PDCD6IP: variants seen among roughly 807,000 people sequenced by gnomAD.
PDCD6IP encodes programmed cell death 6-interacting protein.
In PDCD6IP, 43 loss-of-function variants were observed where a neutral mutation model predicts 103.7. That is an observed-to-expected ratio of 0.41 (90% confidence interval 0.32 to 0.53). PDCD6IP has a LOEUF of 0.53. Among genes scored for constraint, PDCD6IP ranks in the 20% least tolerant of loss-of-function variants. The pLI is 0.16. For missense variants in PDCD6IP, 871 were observed against 1,036.7 expected (o/e 0.84, Z 2.20); for synonymous variants, 354 against 378.7 (o/e 0.93, Z 0.76).
Position 33,845,482 on chromosome 3 carries a change from G to T in PDCD6IP, c.1535G>T (p.Cys512Phe), listed in dbSNP as rs371176638. ...AVQADGQVKE[C>F]YQSHRDTIVL... The stretch of plus-strand genomic sequence containing the variant: ...CAGGCAGATGGACAAGTGAAAGAAT[G>T]TTACCAGTCTCATCGTGACACCATC... The change falls in exon 12 of 18, where the codon TGT (cysteine) becomes TTT (phenylalanine). Residue 512 changes from cysteine to phenylalanine, a missense_variant. Coordinates refer to ENST00000307296, the MANE Select transcript of PDCD6IP (RefSeq NM_013374.6). 62 of 1,613,756 alleles carry T rather than the reference G, an allele frequency of 3.8e-5. No individual in the cohort carries two copies. The highest frequency in any genetic ancestry group is 5.3e-5 in the Non-Finnish European group (62 of 1,179,784).
Position 33,825,215 on chromosome 3 carries a change from A to G in PDCD6IP, c.491A>G (p.Lys164Arg). 1 of 1,612,214 alleles carries G rather than the reference A, an allele frequency of 6.2e-7. No homozygotes were observed. The highest frequency in any genetic ancestry group is 8.5e-7 in the Non-Finnish European group (1 of 1,179,642). Residue 164 changes from lysine (K) to arginine (R), a missense_variant, in exon 5 of 18, where the codon AAA becomes AGA. Around this residue, in one of 5 missense-constraint regions of PDCD6IP, gnomAD observed 242 missense variants for 250.7 expected, o/e 0.97. Transcript: ENST00000307296. The part of the protein sequence containing the change: ...QFASGAFLHI[K>R]ETVLSALSRE... ...GCTAGTGGTGCCTTTTTACATATTA[A>G]AGAGACGGTTTTATCTGCCTTAAGT... is the stretch of plus-strand genomic sequence containing the variant.
chr3:33,799,218 GA>G, intron 1 of PDCD6IP: 1 of 397,096 alleles, frequency 2.5e-6, no homozygotes, highest in Admixed American at 4.2e-5. Context: ...GCCCTGTACT[GA>G]TCTCTTTTGC....
chr3:33,849,575 G>A (rs186667869), intron 12 of PDCD6IP, among the ~76,000 whole-genome samples: 1 of 152,090 alleles, frequency 6.6e-6, no homozygotes, highest in Non-Finnish European at 1.5e-5. Context: ...CTTAATAAAG[G>A]GATACATTTA....
In PDCD6IP at chr3:33,816,002, A is replaced by G. The variant is rs115077404; in HGVS notation, c.334+2374A>G. Reference sequence around the variant, plus strand: ...GGAATGAGGTTGAGAAAAAGCTTTCATATCTTACAGGAACCAGGGTAAAAT... The same window carrying G: ...GGAATGAGGTTGAGAAAAAGCTTTCGTATCTTACAGGAACCAGGGTAAAAT... On this transcript the variant is annotated intron_variant, in intron 3 of 17. Coordinates refer to ENST00000307296, the MANE Select transcript of PDCD6IP (RefSeq NM_013374.6). Among the ~76,000 whole-genome samples, 475 of 152,314 alleles carry G rather than the reference A, an allele frequency of 3.1e-3. 3 individuals are homozygous for G. The highest frequency in any genetic ancestry group is 0.011 in the African/African-American group (447 of 41,572).
intron 15 of PDCD6IP, among the ~76,000 whole-genome samples, chr3:33,856,416 C>T (rs1697830328): frequency 1.3e-5 from 2 of 152,042 alleles, no homozygotes; most frequent in Admixed American, 6.6e-5. Flanking sequence ...AAAGAACACA[C>T]AGGAACACAG....
At chr3:33,854,593 A>C (rs1697789374) in intron 14 of PDCD6IP, 1 of 152,324 alleles carries the variant, frequency 6.6e-6, no homozygotes, top group Admixed American at 6.5e-5. Context: ...ACTTAACTTC[A>C]TAATAATCAC....
At chr3:33,815,851 A>G (rs969603242) in intron 3 of PDCD6IP, among the ~76,000 whole-genome samples, 1 of 152,236 alleles carries the variant, frequency 6.6e-6, no homozygotes, top group African/African-American at 2.4e-5. Context: ...AGAGAAAGAT[A>G]TACATTCGGG....
chr3:33,852,846 TAAGAG>T (rs1697748445), intron 13 of PDCD6IP, 110 bp downstream of exon 13: 1 of 1,321,360 alleles, frequency 7.6e-7, no homozygotes. Flanking sequence ...TATCTGTAGT[TAAGAG>T]TAGAACTTAA....
intron 15 of PDCD6IP, among the ~76,000 whole-genome samples, chr3:33,857,189 G>GT (rs1697848021): frequency 7.0e-6 from 1 of 143,836 alleles, no homozygotes; most frequent in African/African-American, 2.5e-5. Flanking sequence ...AAAAAAAGGT[G>GT]ATTTTTTTTT....
chr3:33,820,908 G>A (rs1559778681), intron 3 of PDCD6IP, among the ~76,000 whole-genome samples: 1 of 152,084 alleles, frequency 6.6e-6, no homozygotes, highest in Non-Finnish European at 1.5e-5. Context: ...TTTTGGGGGT[G>A]TATACTCAAA....
intron 8 of PDCD6IP, 60 bp downstream of exon 8, chr3:33,836,326 C>G (rs1559786767): frequency 3.1e-6 from 3 of 966,470 alleles, no homozygotes; most frequent in Non-Finnish European, 1.6e-6. Context: ...TCTGTTTTTC[C>G]TAGCTAAAAA....
chr3:33,861,051 A>G (rs1051180813), intron 15 of PDCD6IP, among the ~76,000 whole-genome samples: 6 of 151,830 alleles, frequency 4.0e-5, no homozygotes, highest in African/African-American at 1.2e-4. Flanking sequence ...TTAACCCAGT[A>G]TGTCCAAAGT....
At chr3:33,821,862 C>A (rs553568564) in intron 3 of PDCD6IP, 93 bp from the exon 4 acceptor site, 5 of 1,191,906 alleles carry the variant, frequency 4.2e-6, no homozygotes, top group Non-Finnish European at 4.7e-6. Context: ...TGAGAGTCAG[C>A]GGGATGAGAG....
At chr3:33,863,515 A>C (rs1697998374) in intron 15 of PDCD6IP, among the ~76,000 whole-genome samples, 1 of 152,076 alleles carries the variant, frequency 6.6e-6, no homozygotes, top group Admixed American at 6.6e-5. Context: ...AACATGCAAT[A>C]TTTGTCTTTC....
At chr3:33,835,839 A>G (rs1697334291) in intron 7 of PDCD6IP, among the ~76,000 whole-genome samples, 1 of 152,198 alleles carries the variant, frequency 6.6e-6, no homozygotes, top group African/African-American at 2.4e-5. Flanking sequence ...GTTTATAGAG[A>G]TAGCTGTTAT....
intron 9 of PDCD6IP, among the ~76,000 whole-genome samples, chr3:33,838,920 C>T (rs1358245268): frequency 6.6e-6 from 1 of 151,992 alleles, no homozygotes; most frequent in Admixed American, 6.6e-5. Flanking sequence ...ATCCTCCTGC[C>T]TCAGCCTCCT....
chr3:33,841,857 G>C, intron 9 of PDCD6IP, 40 bp from the exon 10 acceptor site: 1 of 1,365,748 alleles, frequency 7.3e-7, no homozygotes, highest in African/African-American at 1.4e-5. Flanking sequence ...GAGTTAAATT[G>C]TTTTAGACTT....
At position 33,867,637 on chromosome 3, in the gene PDCD6IP, A is replaced by G. The variant is rs1405518493; in HGVS notation, c.*1112A>G. 1.3e-5 allele frequency: 2 copies of G among 152,234 alleles called. No individual in the cohort carries two copies. Among genetic ancestry groups the G allele is most frequent in the Admixed American group, 1.3e-4 (2 of 15,282 alleles). The allele number at this position is 152,234 out of a possible 1,614,324, so 9.4% of individuals were successfully genotyped here. A position where few individuals can be genotyped will look rare whatever the true frequency, so the allele number is the denominator to read the frequency against. On this transcript the variant is annotated 3_prime_UTR_variant, in exon 18 of 18. Transcript: ENST00000307296. The stretch of plus-strand genomic sequence containing the variant: ...GGAATAGGCTATGTATTTAATATTA[A>G]TCTCTGCCATTAGGATATCTACTCA...
chr3:33,828,473 G>C (rs566115413), intron 6 of PDCD6IP: 2 of 156,728 alleles, frequency 1.3e-5, no homozygotes, highest in African/African-American at 4.8e-5. Flanking sequence ...TCATAAGAAA[G>C]CTTCTAAAGC....
Sources: allele counts gnomAD v4.1 joint callset (sites outside exome capture counted in the v4.1 genomes callset), GRCh38; gene constraint gnomAD v4.1.1; regional missense constraint gnomAD v4.1.1; transcripts MANE v1.5; gene names NCBI Gene and HGNC (gene_info 2026-07-23, HGNC 2026-07-21).